Variants in GNAS observed in about 807,000 individuals in gnomAD.
GNAS encodes the protein GNAS complex locus.
GNAS carries 8 observed loss-of-function variants against 54.5 expected under a neutral mutation model. The ratio of observed to expected loss-of-function variants is 0.15; its 90% CI spans 0.09 to 0.26. The LOEUF (loss-of-function observed/expected upper bound fraction) is 0.26. Among genes scored for constraint, GNAS ranks in the 10% least tolerant of loss-of-function variants. GNAS has a pLI of 1.00. For missense variants in GNAS, 170 were observed against 529.8 expected (o/e 0.32, Z 6.67); for synonymous variants, 204 against 191.4 (o/e 1.07, Z -0.54).
At chr20:58,887,168 C>T (rs1191414849), upstream of GNAS, among the ~76,000 whole-genome samples, 1 of 152,166 alleles carries the variant, frequency 6.6e-6, no homozygotes, top group Non-Finnish European at 1.5e-5. Context: ...CATTGTATAA[C>T]TTTGTAGCTC....
upstream of GNAS, chr20:58,889,222 C>CCGGCA: frequency 8.3e-7 from 1 of 1,199,790 alleles, no homozygotes; most frequent in Non-Finnish European, 1.1e-6. Context: ...AGGTGGCTGG[C>CCGGCA]CGGCGCGGCG....
At chr20:58,888,999 G>C (rs1286174570), upstream of GNAS, 1 of 923,892 alleles carries the variant, frequency 1.1e-6, no homozygotes, top group East Asian at 1.2e-4. Context: ...ACGCCCGCGC[G>C]GTCCCGGCAC....
chr20:58,854,297 T>A, intron 1 of GNAS: 1 of 1,607,066 alleles, frequency 6.2e-7, no homozygotes, highest in African/African-American at 1.3e-5. Flanking sequence ...GAGCCCCAGA[T>A]AAGAGAGAGC....
intron 1 of GNAS, among the ~76,000 whole-genome samples, chr20:58,893,026 TGTCTGTAAATGGCTTCTTG>T (rs2089641093): frequency 6.6e-6 from 1 of 150,978 alleles, no homozygotes; most frequent in South Asian, 2.1e-4. Flanking sequence ...GAATGACATT[TGTCTGTAAATGGCTTCTTG>T]GTCTGGAAAT....
Position 58,903,602 on chromosome 20 carries a change from T to C in GNAS, c.312+17T>C, listed in dbSNP as rs78999525. The C allele has an allele frequency of 2.9e-4, 473 of 1,613,998 alleles. No homozygotes were observed. Among genetic ancestry groups the C allele is most frequent in the Non-Finnish European group, 3.9e-4 (462 of 1,179,966 alleles). On this transcript the variant is annotated intron_variant, in intron 4 of 12. Transcript: ENST00000371085. The stretch of plus-strand genomic sequence containing the variant: ...GCGATTGAAGTACGTGCTGGCTCCT[T>C]GTGCTGTCTGTCTTGTAGCGCCCTC...
At position 58,909,572 on chromosome 20, in the gene GNAS, C is replaced by T; in HGVS notation, c.711C>T (p.Cys237=). 1 of 1,614,162 alleles carries T rather than the reference C, an allele frequency of 6.2e-7. No individual in the cohort carries two copies. The highest frequency in any genetic ancestry group is 1.7e-5 in the Admixed American group (1 of 60,030). The change falls in exon 9 of 13, where the codon TGC becomes TGT. Residue 237 remains cysteine, a synonymous_variant. Transcript: ENST00000371085. This position sits in a 1 kb window ranked among gnomAD's most constrained non-coding sequence, Gnocchi z 7.3. ...QRDERRKWIQ[C]FNDVTAIIFV... is the part of the protein sequence containing the mutation. ...ATGAACGCCGCAAGTGGATCCAGTG[C>T]TTCAACGGTAGGATGCTGTGGGCTT...
At position 58,909,934 on chromosome 20, in the gene GNAS, G is replaced by A. The variant is rs754265770; in HGVS notation, c.840-17G>A. The A allele has an allele frequency of 8.7e-5, 141 of 1,613,900 alleles. No homozygotes were observed. The highest frequency in any genetic ancestry group is 1.1e-4 in the Non-Finnish European group (130 of 1,179,952). On this transcript the variant is annotated splice_polypyrimidine_tract_variant and intron_variant, in intron 10 of 12. Transcript: ENST00000371085. The surrounding 1 kb of genome is among the most constrained non-coding windows in gnomAD (Gnocchi z 7.3). ...GCGCGCTTCTCCCAAGCATTCACAC[G>A]GCCTCCCTTCTTGTAGATGGCTGCG...
intron 1 of GNAS, among the ~76,000 whole-genome samples, chr20:58,894,927 C>G (rs2089899414): frequency 6.6e-6 from 1 of 152,172 alleles, no homozygotes; most frequent in East Asian, 1.9e-4. Flanking sequence ...TTTTCCTCAG[C>G]AACATAGTTG....
intron 1 of GNAS, among the ~76,000 whole-genome samples, chr20:58,894,323 A>T (rs2089831662): frequency 6.6e-6 from 1 of 152,238 alleles, no homozygotes; most frequent in Non-Finnish European, 1.5e-5. Flanking sequence ...CTCTCTTAAT[A>T]GTGCCATTTA....
At position 58,854,537 on chromosome 20, in the gene GNAS, A is replaced by T. The variant is rs1459657259; in HGVS notation, c.43+13651A>T. 1.9e-6 allele frequency: 3 copies of T among 1,567,974 alleles called. No individual in the cohort carries two copies. The African/African-American group carries it at 4.5e-5, about 24-fold the overall frequency. ...CACCAGCCGATCCTGACTCCGGGGC[A>T]TTCGCAGCCGATCCCGACTCCGGGG... On this transcript the variant is annotated intron_variant, in intron 1 of 12. Coordinates refer to the GNAS transcript ENST00000306090.
chr20:58,902,366 G>A (rs1350623550), intron 3 of GNAS, among the ~76,000 whole-genome samples: 1 of 152,180 alleles, frequency 6.6e-6, no homozygotes, highest in African/African-American at 2.4e-5. Flanking sequence ...GCTAGTTTCT[G>A]AAAAACATAC....
chr20:58,886,231 T>C (rs1251369154), intron 1 of GNAS, among the ~76,000 whole-genome samples: 2 of 152,212 alleles, frequency 1.3e-5, no homozygotes, highest in East Asian at 1.9e-4. Context: ...TTGTCAAATA[T>C]GGAATGTTGG....
chr20:58,903,206 G>A (rs2146170756), intron 3 of GNAS: 1 of 440,912 alleles, frequency 2.3e-6, no homozygotes, highest in African/African-American at 2.0e-5. Flanking sequence ...AGGACCAGGA[G>A]AAGCCTTTAG....
chr20:58,891,791 C>A lies in GNAS; in HGVS notation c.65C>A (p.Ala22Asp). 1 of 1,287,566 alleles carries A rather than the reference C, an allele frequency of 7.8e-7. No homozygotes were observed. Among genetic ancestry groups the A allele is most frequent in the Non-Finnish European group, 1.0e-6 (1 of 977,526 alleles). 79.8% of individuals were successfully genotyped at this position (1,287,566 alleles called of 1,614,324 possible). Reference protein sequence around the residue: ...QRNEEKAQREANKKIEKQLQK... With the variant: ...QRNEEKAQREDNKKIEKQLQK... Reference sequence around the variant, plus strand: ...AACGAGGAGAAGGCGCAGCGTGAGGCCAACAAAAAGATCGAGAAGCAGCTG... The same window carrying A: ...AACGAGGAGAAGGCGCAGCGTGAGGACAACAAAAAGATCGAGAAGCAGCTG... Residue 22 changes from alanine (A) to aspartate (D), a missense_variant, in exon 1 of 13, where the codon GCC becomes GAC. This residue lies in a region of GNAS where 56 missense variants were observed against 55.7 expected (regional missense o/e 1.01). Transcript: ENST00000371085.
At chr20:58,889,184 G>T, upstream of GNAS, 1 of 1,215,132 alleles carries the variant, frequency 8.2e-7, no homozygotes, top group Non-Finnish European at 1.1e-6. Context: ...ACACTCAGTC[G>T]CGTCGGCACC....
chr20:58,898,816 G>C, intron 2 of GNAS, 125 bp from the exon 3 acceptor site: 2 of 866,898 alleles, frequency 2.3e-6, no homozygotes, highest in South Asian at 2.6e-5. Flanking sequence ...AGGATGGATG[G>C]CTGGCGCGCG....
intron 1 of GNAS, among the ~76,000 whole-genome samples, chr20:58,870,213 C>T (rs984193532): frequency 1.3e-5 from 2 of 152,238 alleles, no homozygotes; most frequent in African/African-American, 4.8e-5. Flanking sequence ...AAACGTCCCT[C>T]CCACCCATCT....
In GNAS at chr20:58,905,451, C is replaced by T. The variant is rs771705557; in HGVS notation, c.501C>T (p.Asn167=). The T allele has an allele frequency of 5.6e-6, 9 of 1,603,162 alleles. No homozygotes were observed. Among genetic ancestry groups the T allele is most frequent in the South Asian group, 1.1e-5 (1 of 90,882 alleles). ...EGVRACYERS[N]EYQLIDCAQY... ...TGCGTGCCTGCTACGAACGCTCCAA[C>T]GAGTACCAGCTGATTGACTGTGCCC... Residue 167 remains asparagine (N), a synonymous_variant, in exon 6 of 13, where the codon AAC becomes AAT. Transcript: ENST00000371085.
At chr20:58,899,923 C>G in intron 3 of GNAS, 1 of 717,840 alleles carries the variant, frequency 1.4e-6, no homozygotes, top group Non-Finnish European at 2.6e-6. Flanking sequence ...GTAACTGACA[C>G]ATGTTTGTTC....
Sources: allele counts gnomAD v4.1 joint callset (sites outside exome capture counted in the v4.1 genomes callset), GRCh38; gene constraint gnomAD v4.1.1; regional missense constraint gnomAD v4.1.1; non-coding constraint Gnocchi (gnomAD v3.1); transcripts MANE v1.5; gene names NCBI Gene and HGNC (gene_info 2026-07-23, HGNC 2026-07-21).